The following FNDC3A variants were observed in gnomAD, a reference collection of about 807,000 sequenced individuals.
FNDC3A encodes fibronectin type-III domain-containing protein 3A.
Under a neutral mutation model 148.9 loss-of-function variants are expected in FNDC3A, and 32 were observed. That is an observed-to-expected ratio of 0.21 (90% CI 0.16 to 0.29). FNDC3A has a LOEUF of 0.29. Ranked by LOEUF, FNDC3A falls within the 10% of genes least tolerant of loss-of-function variation. FNDC3A has a pLI of 1.00. For synonymous variants in FNDC3A, 472 were observed against 473.6 expected (o/e 1.00, Z 0.04); for missense variants, 1,191 against 1,452.8 (o/e 0.82, Z 2.93).
chr13:49,098,444 A>G (rs548090491), intron 3 of FNDC3A, among the ~76,000 whole-genome samples: 10 of 152,146 alleles, frequency 6.6e-5, no homozygotes, highest in Non-Finnish European at 1.5e-4. Flanking sequence ...AAATAACAAA[A>G]GAATGATTCA....
intron 2 of FNDC3A, among the ~76,000 whole-genome samples, chr13:49,008,494 C>T (rs1379899957): frequency 5.9e-5 from 9 of 152,170 alleles, no homozygotes; most frequent in South Asian, 2.1e-4. Context: ...AAATTCAAGA[C>T]GACATATTTT....
chr13:49,090,135 C>G (rs973411401), intron 3 of FNDC3A, among the ~76,000 whole-genome samples: 1 of 152,096 alleles, frequency 6.6e-6, no homozygotes, highest in Non-Finnish European at 1.5e-5. Context: ...AAGAACATAT[C>G]CCAGAGGCCA....
chr13:49,073,747 G>C (rs956780259), intron 2 of FNDC3A, among the ~76,000 whole-genome samples: 1 of 142,892 alleles, frequency 7.0e-6, no homozygotes, highest in African/African-American at 2.6e-5. Context: ...TATAATATAT[G>C]TGTATATATA....
intron 2 of FNDC3A, among the ~76,000 whole-genome samples, chr13:49,011,200 C>T (rs183522109): frequency 1.3e-5 from 2 of 151,624 alleles, no homozygotes; most frequent in African/African-American, 2.4e-5. Flanking sequence ...CTCTCCTGTT[C>T]CCCTGTTCTG....
chr13:49,001,195 G>A (rs559945547), intron 1 of FNDC3A, among the ~76,000 whole-genome samples: 19 of 152,146 alleles, frequency 1.2e-4, no homozygotes, highest in East Asian at 1.9e-4. Context: ...AATTTCTTAC[G>A]CCTGTATTTA....
intron 8 of FNDC3A, among the ~76,000 whole-genome samples, chr13:49,148,141 T>G (rs1883094050): frequency 6.6e-6 from 1 of 152,200 alleles, no homozygotes; most frequent in South Asian, 2.1e-4. Context: ...ATGAATAGTT[T>G]GCAAATACTC....
At chr13:48,978,034 AT>A (rs2040787521) in intron 1 of FNDC3A, among the ~76,000 whole-genome samples, 1 of 152,156 alleles carries the variant, frequency 6.6e-6, no homozygotes, top group African/African-American at 2.4e-5. Flanking sequence ...AAGCATAGTT[AT>A]AAGGGTAATT....
intron 8 of FNDC3A, among the ~76,000 whole-genome samples, chr13:49,157,733 TC>T (rs1327077088): frequency 3.1e-5 from 4 of 127,474 alleles, no homozygotes; most frequent in African/African-American, 9.1e-5. Flanking sequence ...TAGTTTTCCT[TC>T]TAACAGACAG....
chr13:49,020,339 A>C (rs1259190665), intron 2 of FNDC3A, among the ~76,000 whole-genome samples: 3 of 152,244 alleles, frequency 2.0e-5, no homozygotes, highest in Admixed American at 6.5e-5. Flanking sequence ...AACAAAACTA[A>C]GAGAGGGGAT....
intron 2 of FNDC3A, among the ~76,000 whole-genome samples, chr13:49,033,317 A>T (rs1213501108): frequency 6.6e-6 from 1 of 152,218 alleles, no homozygotes; most frequent in Non-Finnish European, 1.5e-5. Flanking sequence ...CATGTACAAC[A>T]GTAAGCCTAC....
At chr13:49,005,191 A>T (rs1233205716) in intron 1 of FNDC3A, among the ~76,000 whole-genome samples, 2 of 151,844 alleles carry the variant, frequency 1.3e-5, no homozygotes, top group African/African-American at 2.4e-5. Context: ...TTTTCAATCT[A>T]AATCAACTTG....
intron 23 of FNDC3A, among the ~76,000 whole-genome samples, chr13:49,200,939 C>T (rs1027914219): frequency 6.6e-6 from 1 of 151,180 alleles, no homozygotes; most frequent in African/African-American, 2.4e-5. Context: ...GTGGTATTAC[C>T]ACTATTTTTT....
intron 8 of FNDC3A, among the ~76,000 whole-genome samples, chr13:49,148,834 G>A (rs534888703): frequency 2.6e-5 from 4 of 152,168 alleles, no homozygotes; most frequent in African/African-American, 9.6e-5. Flanking sequence ...GAATACATGA[G>A]CAATGGATGT....
chr13:49,108,857 A>G (rs1480530908), intron 3 of FNDC3A, among the ~76,000 whole-genome samples: 1 of 152,160 alleles, frequency 6.6e-6, no homozygotes, highest in Non-Finnish European at 1.5e-5. Flanking sequence ...TTTGAAGTTA[A>G]CAATTACCTT....
chr13:49,103,711 T>C (rs562497550), intron 3 of FNDC3A, among the ~76,000 whole-genome samples: 1 of 152,262 alleles, frequency 6.6e-6, no homozygotes, highest in African/African-American at 2.4e-5. Context: ...AACTTCCAAA[T>C]AGATGATGTG....
chr13:49,095,001 A>G (rs1879433396), intron 3 of FNDC3A, among the ~76,000 whole-genome samples: 1 of 152,062 alleles, frequency 6.6e-6, no homozygotes, highest in Non-Finnish European at 1.5e-5. Context: ...CTCCAAGTAT[A>G]TGGTAGGATT....
At chr13:49,073,883 A>G (rs969612451) in intron 2 of FNDC3A, among the ~76,000 whole-genome samples, 2 of 148,984 alleles carry the variant, frequency 1.3e-5, no homozygotes, top group Non-Finnish European at 3.0e-5. Context: ...CATATTCCTT[A>G]ATAAAAAAAA....
At chr13:49,204,517 A>G (rs549096589) in intron 25 of FNDC3A, among the ~76,000 whole-genome samples, 3 of 152,332 alleles carry the variant, frequency 2.0e-5, no homozygotes, top group Non-Finnish European at 2.9e-5. Flanking sequence ...CTGGCATGCA[A>G]TTGTTTTTCT....
In FNDC3A at chr13:49,207,108, C is replaced by T. The variant is rs150282972; in HGVS notation, c.3310C>T (p.Arg1104Trp). 1.9e-5 allele frequency: 31 copies of T among 1,613,830 alleles called. No homozygotes were observed. Among genetic ancestry groups the T allele is most frequent in the African/African-American group, 1.2e-4 (9 of 74,940 alleles). Residue 1104 changes from arginine to tryptophan, a missense_variant, in exon 26 of 26, where the codon CGG becomes TGG. Physicochemically the swap from Arg to Trp is moderately radical, Grantham distance 101. Coordinates refer to ENST00000492622, the MANE Select transcript of FNDC3A (RefSeq NM_001079673.2). ...QIYKGPDSSF[R>W]YSSLQLNCEY... ...TTACAAGGGTCCCGACTCTTCCTTCCGGTATTCCAGCCTTCAGCTGAACTG... is the reference window on the plus strand; with the variant it reads ...TTACAAGGGTCCCGACTCTTCCTTCTGGTATTCCAGCCTTCAGCTGAACTG...
Sources: allele counts gnomAD v4.1 joint callset (sites outside exome capture counted in the v4.1 genomes callset), GRCh38; gene constraint gnomAD v4.1.1; transcripts MANE v1.5; gene names NCBI Gene and HGNC (gene_info 2026-07-23, HGNC 2026-07-21).